NEK10: variants seen among roughly 807,000 people sequenced by gnomAD.
NEK10 encodes the protein serine/threonine-protein kinase Nek10.
In NEK10, 122 loss-of-function variants were observed where a neutral mutation model predicts 159.8. That is an observed-to-expected ratio of 0.76 (90% CI 0.66 to 0.89). The LOEUF is 0.89. NEK10 is among the 40% of genes least tolerant of loss of function. The pLI is 0.00. For synonymous variants in NEK10, 466 were observed against 457.1 expected, an observed-to-expected ratio of 1.02 and a Z score of -0.25; for missense variants, 1,342 against 1,323.1, an observed-to-expected ratio of 1.01 and a Z score of -0.22.
intron 14 of NEK10, 93 bp from the exon 15 acceptor site, chr3:27,295,783 A>G (rs1429360466): frequency 2.9e-6 from 4 of 1,397,534 alleles, no homozygotes; most frequent in Non-Finnish European, 2.8e-6. Flanking sequence ...CATTAATATC[A>G]AAGAAGAAAT....
At chr3:27,264,623 G>A (rs1575510563) in intron 22 of NEK10, among the ~76,000 whole-genome samples, 2 of 152,156 alleles carry the variant, frequency 1.3e-5, no homozygotes. Flanking sequence ...CAAGCCTGGT[G>A]GCTCACACCT....
chr3:27,295,757 A>G lies in NEK10; in HGVS notation c.1231-67T>C, dbSNP rs191194637. 7.6e-5 allele frequency: 111 copies of G among 1,460,624 alleles called. No individual in the cohort carries two copies. The African/African-American group carries it at 1.5e-3, about 20-fold the overall frequency. The allele number at this position is 1,460,624 out of a possible 1,614,324, so 90.5% of individuals were successfully genotyped here. A position where few individuals can be genotyped will look rare whatever the true frequency, so the allele number is the denominator to read the frequency against. On this transcript the variant is annotated intron_variant, in intron 14 of 35. Transcript: ENST00000691995. Reference sequence around the variant, plus strand: ...AGTGATACACAAGCAAAAAGAGGCAAATAAACAATCTCAAACATTAATATC... The same window carrying G: ...AGTGATACACAAGCAAAAAGAGGCAGATAAACAATCTCAAACATTAATATC...
chr3:27,338,669 G>T (rs1033595961), intron 5 of NEK10, among the ~76,000 whole-genome samples: 2 of 152,168 alleles, frequency 1.3e-5, no homozygotes, highest in African/African-American at 2.4e-5. Context: ...GCATTTCTCT[G>T]ATGACCAGTG....
chr3:27,355,258 G>T (rs2048252573), intron 1 of NEK10, among the ~76,000 whole-genome samples: 1 of 151,764 alleles, frequency 6.6e-6, no homozygotes, highest in East Asian at 1.9e-4. Flanking sequence ...TTCTCTATCT[G>T]CCCCCTCTCC....
At chr3:27,292,127 T>C (rs1351476931) in intron 16 of NEK10, among the ~76,000 whole-genome samples, 5 of 152,198 alleles carry the variant, frequency 3.3e-5, no homozygotes, top group Non-Finnish European at 7.3e-5. Context: ...AGATCTGCTG[T>C]ACAACCTTGT....
At chr3:27,231,980 A>T (rs773206047) in intron 23 of NEK10, among the ~76,000 whole-genome samples, 5 of 151,930 alleles carry the variant, frequency 3.3e-5, no homozygotes, top group African/African-American at 7.2e-5. Context: ...TCCCTAATTC[A>T]TTCTAGGAAA....
chr3:27,136,275 G>A (rs1943202087), intron 31 of NEK10, among the ~76,000 whole-genome samples: 1 of 151,676 alleles, frequency 6.6e-6, no homozygotes, highest in Admixed American at 6.6e-5. Flanking sequence ...ACCACGCCCG[G>A]CTAATTTTTT....
intron 31 of NEK10, 137 bp from the exon 32 acceptor site, chr3:27,132,127 T>C (rs1349921515): frequency 4.7e-6 from 2 of 425,732 alleles, no homozygotes; most frequent in Admixed American, 4.2e-5. Context: ...TTACTGCAAA[T>C]AGCATGACTA....
chr3:27,282,915 T>C (rs191583747), intron 22 of NEK10, among the ~76,000 whole-genome samples: 2 of 151,986 alleles, frequency 1.3e-5, no homozygotes, highest in East Asian at 1.9e-4. Flanking sequence ...TAAACAAAGT[T>C]ATAATTAATT....
chr3:27,174,314 G>A (rs1251615003), intron 28 of NEK10, 125 bp downstream of exon 28: 2 of 1,455,742 alleles, frequency 1.4e-6, no homozygotes, highest in East Asian at 2.3e-5. Context: ...GTCCTAATTA[G>A]CACTGCACCT....
intron 23 of NEK10, among the ~76,000 whole-genome samples, chr3:27,240,585 C>T (rs1160203221): frequency 1.3e-5 from 2 of 151,806 alleles, no homozygotes; most frequent in African/African-American, 4.8e-5. Context: ...AGTCTTTATT[C>T]AAGGTAGCAG....
intron 30 of NEK10, among the ~76,000 whole-genome samples, chr3:27,147,788 T>C (rs562471802): frequency 6.6e-6 from 1 of 152,306 alleles, no homozygotes; most frequent in Non-Finnish European, 1.5e-5. Context: ...ATCACAAAAA[T>C]GGTATCATTT....
intron 7 of NEK10, among the ~76,000 whole-genome samples, 190 bp downstream of exon 7, chr3:27,314,107 C>T (rs1380214830): frequency 1.3e-5 from 2 of 152,170 alleles, no homozygotes; most frequent in African/African-American, 2.4e-5. Context: ...TTAGCCAGAA[C>T]AAAATGTGGT....
intron 22 of NEK10, among the ~76,000 whole-genome samples, chr3:27,282,757 ATAC>A (rs1354797774): frequency 2.1e-5 from 3 of 144,152 alleles, no homozygotes; most frequent in African/African-American, 2.5e-5. Context: ...TTATATATAT[ATAC>A]TATTTGTTAT....
intron 30 of NEK10, among the ~76,000 whole-genome samples, chr3:27,160,408 G>A (rs1945907295): frequency 6.6e-6 from 1 of 152,126 alleles, no homozygotes; most frequent in South Asian, 2.1e-4. Flanking sequence ...CATCCAAATT[G>A]ACTTGCAACA....
chr3:27,148,044 T>C (rs889244965), intron 30 of NEK10, among the ~76,000 whole-genome samples: 4 of 152,172 alleles, frequency 2.6e-5, no homozygotes, highest in Admixed American at 2.0e-4. Context: ...AACAGAAAAA[T>C]TTTTAATTGA....
intron 32 of NEK10, among the ~76,000 whole-genome samples, chr3:27,122,671 G>A (rs1275455634): frequency 6.6e-6 from 1 of 152,006 alleles, no homozygotes; most frequent in East Asian, 1.9e-4. Flanking sequence ...AGGAGTAACT[G>A]GCTGCCTGAA....
chr3:27,263,704 G>C (rs2040626248), intron 22 of NEK10, among the ~76,000 whole-genome samples: 1 of 152,160 alleles, frequency 6.6e-6, no homozygotes, highest in African/African-American at 2.4e-5. Flanking sequence ...GATTTTCCAG[G>C]TGCCATCTGT....
intron 20 of NEK10, 80 bp downstream of exon 20, chr3:27,287,618 C>G (rs1459550829): frequency 7.0e-7 from 1 of 1,436,694 alleles, no homozygotes; most frequent in African/African-American, 1.5e-5. Flanking sequence ...GATTAGGTTT[C>G]TTTTGTGACA....
Sources: allele counts gnomAD v4.1 joint callset (sites outside exome capture counted in the v4.1 genomes callset), GRCh38; gene constraint gnomAD v4.1.1; transcripts MANE v1.5; gene names NCBI Gene and HGNC (gene_info 2026-07-23, HGNC 2026-07-21).